Variants in LRBA observed in about 807,000 individuals in gnomAD.
The protein encoded by LRBA is LPS responsive beige-like anchor protein.
A neutral mutation model predicts 330.0 loss-of-function variants in LRBA; 176 were observed. The ratio of observed to expected loss-of-function variants is 0.53; its 90% CI spans 0.47 to 0.60. The LOEUF is 0.60. Among genes scored for constraint, LRBA ranks in the 20% least tolerant of loss-of-function variants. The pLI, the probability that LRBA is intolerant of heterozygous loss-of-function variation, is 0.00. For missense variants in LRBA, 3,259 were observed against 3,444.8 expected, an observed-to-expected ratio of 0.95 and a Z score of 1.35; for synonymous variants, 1,230 against 1,193.0, an observed-to-expected ratio of 1.03 and a Z score of -0.64.
At chr4:150,514,221 T>A (rs988195006) in intron 40 of LRBA, among the ~76,000 whole-genome samples, 2 of 152,094 alleles carry the variant, frequency 1.3e-5, no homozygotes, top group Non-Finnish European at 2.9e-5. Context: ...TACAGGCATG[T>A]GCCACCACGC....
At chr4:150,950,378 C>T (rs902759011) in intron 2 of LRBA, among the ~76,000 whole-genome samples, 8 of 152,102 alleles carry the variant, frequency 5.3e-5, no homozygotes, top group African/African-American at 1.9e-4. Context: ...ACTATAGCAT[C>T]ACATACATTA....
intron 36 of LRBA, among the ~76,000 whole-genome samples, chr4:150,695,728 A>G (rs1355182006): frequency 3.3e-5 from 5 of 152,192 alleles, no homozygotes; most frequent in African/African-American, 1.2e-4. Context: ...CAGAGAGGTA[A>G]AATTAAGAAG....
intron 2 of LRBA, among the ~76,000 whole-genome samples, chr4:150,971,356 T>C (rs1013664851): frequency 1.3e-5 from 2 of 152,142 alleles, no homozygotes; most frequent in African/African-American, 2.4e-5. Flanking sequence ...CATATAATGA[T>C]TGTTTTAGCT....
chr4:150,627,676 G>A (rs937744162), intron 37 of LRBA, among the ~76,000 whole-genome samples: 1 of 151,938 alleles, frequency 6.6e-6, no homozygotes, highest in African/African-American at 2.4e-5. Context: ...AATTAGTCTT[G>A]ATGCAAAATG....
At chr4:150,651,609 G>C (rs914049482) in intron 37 of LRBA, among the ~76,000 whole-genome samples, 2 of 151,722 alleles carry the variant, frequency 1.3e-5, no homozygotes, top group Admixed American at 1.3e-4. Context: ...AGTTTGTCTT[G>C]TTCCTAACTG....
In LRBA at chr4:150,844,687, G is replaced by A; in HGVS notation, c.4432C>T (p.Leu1478Phe). The change falls in exon 27 of 57, where the codon CTT becomes TTT. Residue 1478 changes from leucine (L) to phenylalanine (F), a missense_variant. By Grantham distance (22) the Leu-to-Phe change is conservative. Transcript: ENST00000651943. The stretch of plus-strand genomic sequence containing the variant: ...GCTGCAGATTTCCCTAAAGGAATAA[G>A]GCTATGCATTGGTTTCAAGGCTTTA... ...GDKALKPMHS[L>F]IPLGKSAAKS... 1 of 1,613,368 alleles carries A rather than the reference G, an allele frequency of 6.2e-7. No individual in the cohort carries two copies. Among genetic ancestry groups the A allele is most frequent in the Non-Finnish European group, 8.5e-7 (1 of 1,179,470 alleles).
At chr4:150,989,784 TA>T (rs113587178) in intron 2 of LRBA, among the ~76,000 whole-genome samples, 43 of 140,572 alleles carry the variant, frequency 3.1e-4, no homozygotes, top group Middle Eastern at 3.6e-3. Flanking sequence ...GTAAAGGGGG[TA>T]AAAAAAAAAA....
At chr4:150,309,743 C>A (rs1024139504) in intron 52 of LRBA, among the ~76,000 whole-genome samples, 1 of 152,246 alleles carries the variant, frequency 6.6e-6, no homozygotes, top group African/African-American at 2.4e-5. Context: ...TAGTCAGCTA[C>A]TTTTCTTCAT....
intron 36 of LRBA, among the ~76,000 whole-genome samples, chr4:150,691,176 C>T (rs113836662): frequency 4.0e-4 from 61 of 152,020 alleles, no homozygotes; most frequent in African/African-American, 1.4e-3. Context: ...ATGATCTGCC[C>T]GCCTTGGCCT....
At chr4:150,581,922 G>C (rs1771401434) in intron 40 of LRBA, 1 of 151,208 alleles carries the variant, frequency 6.6e-6, no homozygotes, top group South Asian at 2.1e-4. Flanking sequence ...AGGAAACAGC[G>C]AGGGAGAGAG....
chr4:150,849,445 G>A lies in LRBA; in HGVS notation c.4135C>T (p.Leu1379Phe), dbSNP rs1293794467. 1 of 1,613,938 alleles carries A rather than the reference G, an allele frequency of 6.2e-7. No individual in the cohort carries two copies. The highest frequency in any genetic ancestry group is 1.1e-5 in the South Asian group (1 of 91,036). Reference protein sequence around the residue: ...VMACGGILPLLSAATSATHEL... With the variant: ...VMACGGILPLFSAATSATHEL... ...ACTGTAGCCGATGTAGCAGCTGAAA[G>A]CAATGGCAGTATACCCCCACAAGCC... Residue 1379 changes from leucine (L) to phenylalanine (F), a missense_variant, in exon 25 of 57, where the codon CTT (leucine) becomes TTT (phenylalanine). Physicochemically the swap from Leu to Phe is conservative, Grantham distance 22. Coordinates refer to ENST00000651943, the MANE Select transcript of LRBA (RefSeq NM_001364905.1).
chr4:150,509,757 A>C (rs776871875), intron 40 of LRBA, among the ~76,000 whole-genome samples: 13 of 152,240 alleles, frequency 8.5e-5, no homozygotes, highest in Admixed American at 2.0e-4. Context: ...GAGACATCAA[A>C]ACAGATTTTT....
intron 2 of LRBA, among the ~76,000 whole-genome samples, chr4:150,966,458 G>A (rs957434621): frequency 2.0e-5 from 3 of 148,018 alleles, no homozygotes; most frequent in Admixed American, 6.7e-5. Flanking sequence ...ACAGGTGCCC[G>A]CCACCACACC....
chr4:150,600,095 T>A (rs1773965708), intron 37 of LRBA, among the ~76,000 whole-genome samples: 1 of 152,070 alleles, frequency 6.6e-6, no homozygotes, highest in South Asian at 2.1e-4. Context: ...TCTAGCATGC[T>A]GGAAAAATAT....
At chr4:150,397,327 G>C (rs907640851) in intron 47 of LRBA, among the ~76,000 whole-genome samples, 2 of 152,006 alleles carry the variant, frequency 1.3e-5, no homozygotes, top group African/African-American at 4.8e-5. Flanking sequence ...TGCCTGGTCT[G>C]GAGTGCAGTG....
chr4:150,958,399 G>A (rs1302596711), intron 2 of LRBA, among the ~76,000 whole-genome samples: 2 of 148,956 alleles, frequency 1.3e-5, no homozygotes, highest in South Asian at 2.1e-4. Flanking sequence ...TCCCCAGACT[G>A]CACAAAGCTG....
At chr4:150,772,189 C>T (rs1736672318) in intron 34 of LRBA, among the ~76,000 whole-genome samples, 1 of 152,132 alleles carries the variant, frequency 6.6e-6, no homozygotes, top group African/African-American at 2.4e-5. Flanking sequence ...TTCTTCACTA[C>T]AGTCCATCAG....
intron 2 of LRBA, among the ~76,000 whole-genome samples, chr4:150,988,725 C>T (rs1057352260): frequency 8.6e-5 from 13 of 151,992 alleles, no homozygotes; most frequent in African/African-American, 2.2e-4. Context: ...ACTACAGCTG[C>T]GTACCACCAT....
At position 150,606,837 on chromosome 4, in the gene LRBA, A is replaced by G. The variant is rs528679674; in HGVS notation, c.5922-7706T>C. 7.9e-5 allele frequency among the ~76,000 whole-genome samples: 12 copies of G among 152,340 alleles called. No homozygotes were observed. The East Asian group carries it at 1.5e-3, about 20-fold the overall frequency. On this transcript the variant is annotated intron_variant, in intron 37 of 56. Transcript: ENST00000651943. ...GACTCAGGATTTCATTAAGATTTCA[A>G]TGAGGATCTATTTTGTAAGTTACAT...
Sources: gnomAD v4.1 joint callset for allele counts (sites outside exome capture counted in the v4.1 genomes callset) on GRCh38, gnomAD v4.1.1 for gene constraint, MANE v1.5 for transcripts, NCBI Gene and HGNC (gene_info 2026-07-23, HGNC 2026-07-21) for gene names.